Variants in LRRTM4 observed in about 807,000 individuals in gnomAD.
LRRTM4 encodes the protein leucine rich repeat transmembrane neuronal 4, also known as leucine-rich repeat transmembrane neuronal protein 4.
A neutral mutation model predicts 47.6 loss-of-function variants in LRRTM4; 25 were observed. The ratio of observed to expected loss-of-function variants is 0.53; its 90% CI spans 0.38 to 0.73. The LOEUF is 0.73. Ranked by LOEUF, LRRTM4 falls within the 30% of genes least tolerant of loss-of-function variation. The pLI, the probability that LRRTM4 is intolerant of heterozygous loss-of-function variation, is 0.00. For missense variants in LRRTM4, 638 were observed against 713.4 expected, an observed-to-expected ratio of 0.89 and a Z score of 1.20; for synonymous variants, 311 against 269.5, an observed-to-expected ratio of 1.15 and a Z score of -1.51.
chr2:77,357,047 A>G (rs969139095), intron 3 of LRRTM4, among the ~76,000 whole-genome samples: 3 of 152,144 alleles, frequency 2.0e-5, no homozygotes, highest in African/African-American at 7.2e-5. Flanking sequence ...TAATACCTAG[A>G]TACTATACTT....
chr2:76,916,072 G>C (rs1674232865), intron 3 of LRRTM4, among the ~76,000 whole-genome samples: 1 of 151,550 alleles, frequency 6.6e-6, no homozygotes, highest in Non-Finnish European at 1.5e-5. Context: ...TGATGAGACA[G>C]AAGAACAAAA....
chr2:77,490,766 C>A (rs1286214224), intron 3 of LRRTM4, among the ~76,000 whole-genome samples: 3 of 152,140 alleles, frequency 2.0e-5, no homozygotes, highest in African/African-American at 7.2e-5. Flanking sequence ...ATTCTACAAG[C>A]TCGATGCTGG....
At chr2:77,260,374 CGTGTGTGTGTGTGTGTGTGTGTGT>C (rs58758948) in intron 3 of LRRTM4, among the ~76,000 whole-genome samples, 2 of 140,398 alleles carry the variant, frequency 1.4e-5, no homozygotes, top group South Asian at 4.6e-4. Flanking sequence ...ACCAAAAAAT[CGTGTGTGTGTGTGTGTGTGTGTGT>C]GTGTGTGTGT....
At chr2:77,479,631 G>T (rs772054859) in intron 3 of LRRTM4, among the ~76,000 whole-genome samples, 4 of 152,194 alleles carry the variant, frequency 2.6e-5, no homozygotes. Flanking sequence ...GCCACAGTCA[G>T]TCTCGAGGTT....
At chr2:77,068,527 T>C (rs1680037123) in intron 3 of LRRTM4, among the ~76,000 whole-genome samples, 2 of 152,234 alleles carry the variant, frequency 1.3e-5, no homozygotes, top group South Asian at 4.1e-4. Context: ...TTGCCTATCC[T>C]GAACATTTCA....
At position 76,827,190 on chromosome 2, in the gene LRRTM4, A is replaced by G. The variant is rs1312216436; in HGVS notation, c.1552-78274T>C. On this transcript the variant is annotated intron_variant, in intron 3 of 3. Transcript: ENST00000409884. ...CTGAAGTTAAGTATTTCCAGTCCCT[A>G]TGACATTATTTTCCATTGTAAAATA... Among the ~76,000 whole-genome samples, 3 of 151,826 alleles carry G rather than the reference A, an allele frequency of 2.0e-5. 1 individual carries two copies. The highest frequency in any genetic ancestry group is 1.3e-4 in the Admixed American group (2 of 15,176).
intron 3 of LRRTM4, among the ~76,000 whole-genome samples, chr2:77,035,463 C>T (rs1243278067): frequency 6.6e-6 from 1 of 151,754 alleles, no homozygotes; most frequent in East Asian, 1.9e-4. Flanking sequence ...CTCACATTCC[C>T]CACACCTTCA....
chr2:76,966,529 C>T (rs1286629922), intron 3 of LRRTM4, among the ~76,000 whole-genome samples: 10 of 151,426 alleles, frequency 6.6e-5, no homozygotes, highest in South Asian at 4.1e-4. Context: ...AAAATAACTA[C>T]GCAAGCAAAC....
intron 3 of LRRTM4, among the ~76,000 whole-genome samples, chr2:77,063,968 G>A (rs969119244): frequency 6.6e-6 from 1 of 151,898 alleles, no homozygotes; most frequent in African/African-American, 2.4e-5. Flanking sequence ...AGATTCAAAA[G>A]GAAAAGTGAG....
At chr2:77,002,031 C>T (rs1677449183) in intron 3 of LRRTM4, among the ~76,000 whole-genome samples, 1 of 152,052 alleles carries the variant, frequency 6.6e-6, no homozygotes, top group Non-Finnish European at 1.5e-5. Context: ...GATTTTCTTC[C>T]ACACAATTTA....
At chr2:77,168,512 T>G (rs766542999) in intron 3 of LRRTM4, among the ~76,000 whole-genome samples, 10 of 152,136 alleles carry the variant, frequency 6.6e-5, no homozygotes, top group African/African-American at 2.4e-5. Flanking sequence ...TCAGGATGTT[T>G]AGGATGTCAA....
rs370307831 is a variant in LRRTM4 at position 76,771,399 on chromosome 2, G to T, written c.1552-22483C>A. ...GAACTACTCCATCTGATTTAGATAA[G>T]ATTGAAGCAAAATCCCATGAAAATG... On this transcript the variant is annotated intron_variant, in intron 3 of 3. Transcript: ENST00000409884. Among the ~76,000 whole-genome samples, 57 of 152,224 alleles carry T rather than the reference G, an allele frequency of 3.7e-4. No homozygotes were observed. In the South Asian group the frequency reaches 0.011, roughly 30 times the overall value.
In LRRTM4 at chr2:77,122,261, A is replaced by C. The variant is rs1321617519; in HGVS notation, c.1552-373345T>G. On this transcript the variant is annotated intron_variant, in intron 3 of 3. Transcript: ENST00000409884. Reference sequence around the variant, plus strand: ...TATATGTAAGTCAGATTATGACCTTAGTGCAACATCAAGTACATTAAGAAT... The same window carrying C: ...TATATGTAAGTCAGATTATGACCTTCGTGCAACATCAAGTACATTAAGAAT... Among the ~76,000 whole-genome samples, 3 of 151,770 alleles carry C rather than the reference A, an allele frequency of 2.0e-5. No homozygotes were observed. The East Asian group carries it at 5.8e-4, about 29-fold the overall frequency.
chr2:77,293,197 A>T (rs1038293611), intron 3 of LRRTM4, among the ~76,000 whole-genome samples: 21 of 152,154 alleles, frequency 1.4e-4, no homozygotes, highest in African/African-American at 4.6e-4. Context: ...GACTTTTCAC[A>T]AGGTACAGTG....
At chr2:76,949,281 C>T (rs1476104567) in intron 3 of LRRTM4, among the ~76,000 whole-genome samples, 1 of 151,824 alleles carries the variant, frequency 6.6e-6, no homozygotes, top group Non-Finnish European at 1.5e-5. Context: ...AAGTTTCTGG[C>T]TCTTTCACAT....
intron 3 of LRRTM4, among the ~76,000 whole-genome samples, chr2:76,802,637 A>G (rs972553403): frequency 1.3e-5 from 2 of 152,122 alleles, no homozygotes; most frequent in African/African-American, 4.8e-5. Context: ...ACCCTAGAAG[A>G]TCCCAAAGAT....
intron 3 of LRRTM4, among the ~76,000 whole-genome samples, chr2:77,002,511 A>C (rs1677470799): frequency 6.6e-6 from 1 of 152,150 alleles, no homozygotes; most frequent in African/African-American, 2.4e-5. Context: ...AACTGGAAAT[A>C]CAACTATTTC....
intron 3 of LRRTM4, among the ~76,000 whole-genome samples, chr2:76,762,924 T>C (rs1215561936): frequency 6.6e-6 from 1 of 152,214 alleles, no homozygotes; most frequent in Non-Finnish European, 1.5e-5. Flanking sequence ...TAGTGTCTTT[T>C]CACTTCTATC....
At chr2:77,245,995 T>A (rs1443738556) in intron 3 of LRRTM4, among the ~76,000 whole-genome samples, 1 of 152,200 alleles carries the variant, frequency 6.6e-6, no homozygotes, top group Non-Finnish European at 1.5e-5. Context: ...TAATCTCAAA[T>A]GCCACTAAAT....
Sources: gnomAD v4.1 joint callset for allele counts (sites outside exome capture counted in the v4.1 genomes callset) on GRCh38, gnomAD v4.1.1 for gene constraint, MANE v1.5 for transcripts, NCBI Gene and HGNC (gene_info 2026-07-23, HGNC 2026-07-21) for gene names.